Variants in MUC6 observed in about 807,000 individuals in gnomAD.
The protein encoded by MUC6 is mucin-6.
A neutral mutation model predicts 201.5 loss-of-function variants in MUC6; 188 were observed. The ratio of observed to expected loss-of-function variants is 0.93; its 90% CI spans 0.83 to 1.05. The LOEUF (loss-of-function observed/expected upper bound fraction) is 1.05, where lower values mean the gene tolerates loss of function less well. Ranked by LOEUF, MUC6 falls within the 50% of genes least tolerant of loss-of-function variation. MUC6 has a pLI of 0.00. For synonymous variants in MUC6, 1,228 were observed against 1,389.4 expected, an observed-to-expected ratio of 0.88 and a Z score of 2.58; for missense variants, 2,706 against 3,256.9, an observed-to-expected ratio of 0.83 and a Z score of 4.12.
chr11:1,030,711 G>C lies in MUC6; in HGVS notation c.754C>G (p.Leu252Val). The change falls in exon 7 of 33, where the codon CTA becomes GTA. Residue 252 changes from leucine to valine, a missense_variant. Leu to Val is a conservative substitution (Grantham distance 32). Coordinates refer to ENST00000421673, the MANE Select transcript of MUC6 (RefSeq NM_005961.3). ...GCGGCCACGTCCGCCTGGCAGCTTA[G>C]CACGAAGGGCTCCTTGGACACGCTG... ...ECSVSKEPFV[L>V]SCQADVAAAP... The C allele has an allele frequency of 6.5e-7, 1 of 1,546,792 alleles. No homozygotes were observed. Among genetic ancestry groups the C allele is most frequent in the Non-Finnish European group, 8.7e-7 (1 of 1,148,188 alleles).
chr11:1,026,683 C>T (rs985561420), intron 19 of MUC6, among the ~76,000 whole-genome samples: 6 of 152,376 alleles, frequency 3.9e-5, no homozygotes, highest in South Asian at 2.1e-4. Context: ...CCAGTGCACA[C>T]GGCTGGGCTG....
At chr11:1,021,031 T>C (rs1856793764) in intron 27 of MUC6, among the ~76,000 whole-genome samples, 184 bp downstream of exon 27, 1 of 152,150 alleles carries the variant, frequency 6.6e-6, no homozygotes, top group Non-Finnish European at 1.5e-5. Context: ...TCTGCTGCCA[T>C]GGGCTGGAGG....
intron 25 of MUC6, 92 bp downstream of exon 25, chr11:1,023,855 A>T (rs1856884123): frequency 1.1e-5 from 17 of 1,504,936 alleles, no homozygotes; most frequent in Non-Finnish European, 1.4e-5. Flanking sequence ...GTCCAGGGAG[A>T]GGGGCCTGTG....
In MUC6 at chr11:1,024,017, G is replaced by A. The variant is rs1401104902; in HGVS notation, c.3312C>T (p.Ala1104=). Residue 1104 remains alanine (A), a synonymous_variant, in exon 25 of 33, where the codon GCC becomes GCT. Transcript: ENST00000421673. ...GACAGGCTTGGGCGTAGGCAGCCAC[G>A]GCATCGCACAGACACTCACAGTCCC... The part of the protein sequence containing the change: ...SGGDCECLCD[A]VAAYAQACLD... 5 of 1,611,742 alleles carry A rather than the reference G, an allele frequency of 3.1e-6. No individual in the cohort carries two copies. The highest frequency in any genetic ancestry group is 2.2e-5 in the South Asian group (2 of 90,954).
Position 1,018,434 on chromosome 11 carries a change from G to A in MUC6, c.4367C>T (p.Thr1456Ile), listed in dbSNP as rs1400918271. 5 of 1,613,858 alleles carry A rather than the reference G, an allele frequency of 3.1e-6. No individual in the cohort carries two copies. The highest frequency in any genetic ancestry group is 3.4e-6 in the Non-Finnish European group (4 of 1,179,892). Residue 1456 changes from threonine to isoleucine, a missense_variant, in exon 31 of 33, where the codon ACT (threonine) becomes ATT (isoleucine). Thr to Ile is a moderately conservative substitution (Grantham distance 89, BLOSUM62 -1). This residue lies in a region of MUC6 where 128 missense variants were observed against 206.5 expected (regional missense o/e 0.62). Transcript: ENST00000421673. Reference protein sequence around the residue: ...HVPPFSTSLVTPSTHTVITPT... With the variant: ...HVPPFSTSLVIPSTHTVITPT... ...GGTGATGACTGTGTGAGTACTTGGA[G>A]TCACCAAGGAGGTGGAGAAAGGTGG...
rs933200524 is a variant in MUC6, at chr11:1,013,470, C to G, written c.7306G>C (p.Ala2436Pro). 15 of 1,583,140 alleles carry G rather than the reference C, an allele frequency of 9.5e-6. No homozygotes were observed. In the African/African-American group the frequency reaches 1.9e-4, roughly 20 times the overall value. The change falls in exon 33 of 33, where the codon GCC becomes CCC. Residue 2436 changes from alanine (A) to proline (P), a missense_variant. Ala to Pro is a conservative substitution (Grantham distance 27, BLOSUM62 -1). Transcript: ENST00000421673. ...CAGCGACCCTGCTAGTCTCCACAGG[C>G]CACAGAGCTGCACACGCAGTGGCTG... ...VFSHCVCSSVACGD is the reference protein window; with the variant it reads ...VFSHCVCSSVPCGD
Position 1,033,035 on chromosome 11 carries a change from C to T in MUC6, c.93G>A (p.Arg31=), listed in dbSNP as rs1857145847. The T allele has an allele frequency of 1.9e-6, 3 of 1,606,592 alleles. No homozygotes were observed. Among genetic ancestry groups the T allele is most frequent in the Non-Finnish European group, 2.6e-6 (3 of 1,174,218 alleles). ...NTSYTSPGLQ[R]LKDSPQTAPD... ...TACCTGTCTGTGGAGAGTCCTTCAG[C>T]CTCTGGAGGCCTGGGCTGGTGTAGG... Residue 31 remains arginine, a synonymous_variant, in exon 2 of 33, where the codon AGG becomes AGA. Coordinates refer to ENST00000421673, the MANE Select transcript of MUC6 (RefSeq NM_005961.3). The surrounding 1 kb of genome is among the most constrained non-coding windows in gnomAD (Gnocchi z 5.6).
Position 1,031,185 on chromosome 11 carries a change from C to T in MUC6, c.558G>A (p.Glu186=). The part of the protein sequence containing the change: ...CGNFDGKVTN[E]FVSEEGKFLE... ...CCCACCTACCCTCCTCACTGACAAA[C>T]TCGTTGGTCACCTTCCCGTCAAAGT... Residue 186 remains glutamate, a synonymous_variant, in exon 5 of 33, where the codon GAG becomes GAA. Transcript: ENST00000421673. 6.7e-7 allele frequency: 1 copy of T among 1,494,836 alleles called. No individual in the cohort carries two copies. Among genetic ancestry groups the T allele is most frequent in the Non-Finnish European group, 9.1e-7 (1 of 1,094,908 alleles). 92.6% of individuals were successfully genotyped at this position (1,494,836 alleles called of 1,614,324 possible).
At position 1,028,592 on chromosome 11, in the gene MUC6, G is replaced by A. The variant is rs562405371; in HGVS notation, c.1591+54C>T. Reference sequence around the variant, plus strand: ...GGACCTTTCTCCTCCCCTGGTCATGGCCAGACCCTGTAGGGATGAGGCAAC... The same window carrying A: ...GGACCTTTCTCCTCCCCTGGTCATGACCAGACCCTGTAGGGATGAGGCAAC... On this transcript the variant is annotated intron_variant, in intron 13 of 32. Coordinates refer to ENST00000421673, the MANE Select transcript of MUC6 (RefSeq NM_005961.3). 923 of 1,584,358 alleles carry A rather than the reference G, an allele frequency of 5.8e-4. 13 individuals carry two copies. In the South Asian group the frequency reaches 0.01, roughly 17 times the overall value.
Position 1,033,216 on chromosome 11 carries a change from G to A in MUC6, c.53-141C>T. On this transcript the variant is annotated intron_variant, in intron 1 of 32. Coordinates refer to ENST00000421673, the MANE Select transcript of MUC6 (RefSeq NM_005961.3). The surrounding 1 kb of genome is among the most constrained non-coding windows in gnomAD (Gnocchi z 5.6). The stretch of plus-strand genomic sequence containing the variant: ...AGTGTCCATGGCCCGTGGGGCTCGA[G>A]GCCTCAACAGCAAGCCAAGCGCTTG... The A allele has an allele frequency of 1.3e-6, 1 of 761,090 alleles. No homozygotes were observed. Among genetic ancestry groups the A allele is most frequent in the South Asian group, 1.5e-5 (1 of 65,424 alleles). The allele number at this position is 761,090 out of a possible 1,614,324, so 47.1% of individuals were successfully genotyped here.
chr11:1,024,258 C>T (rs950208917), intron 24 of MUC6, among the ~76,000 whole-genome samples, 155 bp from the exon 25 acceptor site: 14 of 152,160 alleles, frequency 9.2e-5, no homozygotes, highest in Admixed American at 3.3e-4. Context: ...CAGCCCTGAC[C>T]GCTAGCCACG....
chr11:1,023,447 T>C (rs1856871852), intron 26 of MUC6, 62 bp downstream of exon 26: 2 of 1,515,294 alleles, frequency 1.3e-6, no homozygotes, highest in African/African-American at 1.4e-5. Context: ...AATGAATGAA[T>C]GTGCATGAAT....
At chr11:1,023,104 A>G (rs1313163859) in intron 26 of MUC6, among the ~76,000 whole-genome samples, 1 of 150,520 alleles carries the variant, frequency 6.6e-6, no homozygotes, top group Non-Finnish European at 1.5e-5. Flanking sequence ...GAATGAATGG[A>G]TGAATGGAGT....
In MUC6 at chr11:1,030,597, G is replaced by A. The variant is rs1249510635; in HGVS notation, c.868C>T (p.Arg290Cys). The change falls in exon 7 of 33, where the codon CGC (arginine) becomes TGC (cysteine). Residue 290 changes from arginine to cysteine, a missense_variant. Physicochemically the swap from Arg to Cys is radical, Grantham distance 180 (BLOSUM62 -3). Transcript: ENST00000421673. ...CAGCACAGGCCGGGGCTCCGCCAGC[G>A]GCGGACCGGCTGGCCCACCATGCTG... ...QCSMVGQPVR[R>C]WRSPGLCSVG... is the part of the protein sequence containing the mutation. 6.5e-6 allele frequency: 10 copies of A among 1,529,032 alleles called. No individual in the cohort carries two copies. Among genetic ancestry groups the A allele is most frequent in the Non-Finnish European group, 7.9e-6 (9 of 1,137,726 alleles). The allele number at this position is 1,529,032 out of a possible 1,614,324, so 94.7% of individuals were successfully genotyped here.
rs1204981705 is a variant in MUC6, at chr11:1,029,610, C to T, written c.1021G>A (p.Val341Ile). The change falls in exon 9 of 33, where the codon GTC becomes ATC. Residue 341 changes from valine to isoleucine, a missense_variant. Physicochemically the swap from Val to Ile is conservative, Grantham distance 29. This residue lies in a region of MUC6 where 1,850 missense variants were observed against 1,958.3 expected (regional missense o/e 0.94). Transcript: ENST00000421673. ...TFGCFCPEGTVLNDLSNNHTC... is the reference protein window; with the variant it reads ...TFGCFCPEGTILNDLSNNHTC... ...TGGTTATTGGAGAGGTCATTCAGGA[C>T]CGTACCTGCAGGAGAGGGTCTTCTT... is the stretch of plus-strand genomic sequence containing the variant. 6.3e-7 allele frequency: 1 copy of T among 1,585,658 alleles called. No individual in the cohort carries two copies. Among genetic ancestry groups the T allele is most frequent in the Non-Finnish European group, 8.6e-7 (1 of 1,163,004 alleles).
Position 1,016,258 on chromosome 11 carries a change from G to C in MUC6, c.6543C>G (p.Ser2181=). Residue 2181 remains serine, a synonymous_variant, in exon 31 of 33, where the codon TCC becomes TCG. Transcript: ENST00000421673. The part of the protein sequence containing the change: ...HSTTLSSGSH[S]SLSTHPTTAS... ...CAGTCGTGGGATGAGTGGACAATGA[G>C]GAGTGTGACCCCGAGCTCAGGGTTG... is the stretch of plus-strand genomic sequence containing the variant. 6.2e-7 allele frequency: 1 copy of C among 1,613,176 alleles called. No individual in the cohort carries two copies. The highest frequency in any genetic ancestry group is 1.1e-5 in the South Asian group (1 of 90,974).
chr11:1,014,216 T>TACC (rs1856549744), intron 31 of MUC6, among the ~76,000 whole-genome samples: 1 of 152,248 alleles, frequency 6.6e-6, no homozygotes, highest in Admixed American at 6.5e-5. Flanking sequence ...TCAAAGTCGC[T>TACC]CTGCTGGAGT....
In MUC6 at chr11:1,028,292, G is replaced by T; in HGVS notation, c.1687C>A (p.Arg563=). The T allele has an allele frequency of 6.2e-7, 1 of 1,608,918 alleles. No individual in the cohort carries two copies. The highest frequency in any genetic ancestry group is 1.1e-5 in the South Asian group (1 of 90,212). ...AGAGCGGCCGGACAGTTCCCCGCCC[G>T]CCAGGAGTCCACAAACAGCGAGGCG... ...GTASLFVDSW[R]AGNCPAALER... is the part of the protein sequence containing the mutation. Residue 563 remains arginine (R), a synonymous_variant, in exon 14 of 33, where the codon CGG becomes AGG. Transcript: ENST00000421673.
At chr11:1,019,867 G>A in intron 29 of MUC6, 1 of 706,042 alleles carries the variant, frequency 1.4e-6, no homozygotes. Context: ...TCTAGTGACA[G>A]CAGCCAGCAG....
Sources: gnomAD v4.1 joint callset for allele counts (sites outside exome capture counted in the v4.1 genomes callset) on GRCh38, gnomAD v4.1.1 for gene constraint, gnomAD v4.1.1 regional missense constraint, Gnocchi (gnomAD v3.1) non-coding constraint, MANE v1.5 for transcripts, NCBI Gene and HGNC (gene_info 2026-07-23, HGNC 2026-07-21) for gene names.